The following ARHGEF7 variants were observed in gnomAD, a reference collection of about 807,000 sequenced individuals.
ARHGEF7 encodes the protein PAK-interacting exchange factor beta.
Under a neutral mutation model 109.8 loss-of-function variants are expected in ARHGEF7, and 33 were observed. That is an observed-to-expected ratio of 0.30 (90% CI 0.23 to 0.40). The LOEUF (loss-of-function observed/expected upper bound fraction) is 0.40, where lower values mean the gene tolerates loss of function less well. Ranked by LOEUF, ARHGEF7 falls within the 10% of genes least tolerant of loss-of-function variation. The probability of loss-of-function intolerance (pLI) is 1.00; values close to 1 mark genes in which losing one functional copy is unlikely to be tolerated. For synonymous variants in ARHGEF7, 458 were observed against 424.6 expected (o/e 1.08, Z -0.97); for missense variants, 938 against 1,098.5 (o/e 0.85, Z 2.07).
intron 1 of ARHGEF7, among the ~76,000 whole-genome samples, chr13:111,153,234 A>T (rs76325761): frequency 0.013 from 1,950 of 152,386 alleles, 24 homozygotes; most frequent in African/African-American, 0.04. Flanking sequence ...GGGGTTACTC[A>T]AGCCGCCCGA....
intron 9 of ARHGEF7, among the ~76,000 whole-genome samples, chr13:111,271,639 C>T (rs908324586): frequency 2.6e-5 from 4 of 152,166 alleles, no homozygotes; most frequent in East Asian, 1.9e-4. Flanking sequence ...CTCGTGCGTG[C>T]GTGCTCTCTC....
At chr13:111,125,509 C>T (rs1239005235) in intron 1 of ARHGEF7, among the ~76,000 whole-genome samples, 1 of 152,014 alleles carries the variant, frequency 6.6e-6, no homozygotes, top group East Asian at 1.9e-4. Flanking sequence ...ATTAAATTGC[C>T]TTTGTCTAAA....
chr13:111,266,028 C>T lies in ARHGEF7; in HGVS notation c.951-1520C>T, dbSNP rs1390876397. Among the ~76,000 whole-genome samples the T allele has an allele frequency of 6.6e-6, 1 of 152,206 alleles. No individual in the cohort carries two copies. Among genetic ancestry groups the T allele is most frequent in the African/African-American group, 2.4e-5 (1 of 41,446 alleles). ...AGGCCTGGACCTTAGACCCAGGCTCCAGCCACCTTTGTGTTGGATGCTGAC... is the reference window on the plus strand; with the variant it reads ...AGGCCTGGACCTTAGACCCAGGCTCTAGCCACCTTTGTGTTGGATGCTGAC... On this transcript the variant is annotated intron_variant, in intron 8 of 21. Coordinates refer to ENST00000646102, the MANE Select transcript of ARHGEF7 (RefSeq NM_001354046.2). The surrounding 1 kb of genome is among the most constrained non-coding windows in gnomAD (Gnocchi z 4.8).
intron 2 of ARHGEF7, among the ~76,000 whole-genome samples, chr13:111,159,246 T>C (rs1373674197): frequency 6.6e-6 from 1 of 152,256 alleles, no homozygotes; most frequent in Admixed American, 6.5e-5. Context: ...TAGTATTCTA[T>C]TGTGTATATA....
chr13:111,143,563 A>T (rs1242559968), intron 1 of ARHGEF7: 1 of 152,252 alleles, frequency 6.6e-6, no homozygotes, highest in African/African-American at 2.4e-5. Flanking sequence ...CCATTAGGTC[A>T]CAAGCATGAA....
chr13:111,231,377 C>T (rs2086027676), intron 5 of ARHGEF7, among the ~76,000 whole-genome samples: 1 of 152,134 alleles, frequency 6.6e-6, no homozygotes. Context: ...TTTTGTTTTC[C>T]ATCCTGTGGG....
intron 9 of ARHGEF7, among the ~76,000 whole-genome samples, chr13:111,268,864 T>C (rs956511126): frequency 6.6e-6 from 1 of 152,220 alleles, no homozygotes; most frequent in African/African-American, 2.4e-5. Flanking sequence ...TTTTTTAATT[T>C]TTTTATTTTT....
intron 5 of ARHGEF7, among the ~76,000 whole-genome samples, chr13:111,226,652 C>G (rs1385954709): frequency 6.6e-6 from 1 of 152,150 alleles, no homozygotes; most frequent in Admixed American, 6.5e-5. Flanking sequence ...ACCTAATCAC[C>G]CAAGAGCTTT....
At chr13:111,133,795 AT>A (rs1566606846) in intron 1 of ARHGEF7, among the ~76,000 whole-genome samples, 1,398 of 48,132 alleles carry the variant, frequency 0.029, 128 homozygotes, top group Middle Eastern at 0.07. Flanking sequence ...ATATATATAT[AT>A]ATATATATAT....
Position 111,280,252 on chromosome 13 carries a change from TGGGGGGGGG to T in ARHGEF7, c.1507-19_1507-11del. ...AAAGCACTAATTGTTTTTTTTTTTG[TGGGGGGGGG>T]TCTTTTTTAGGGAAAGCTTCCAACG... On this transcript the variant is annotated splice_polypyrimidine_tract_variant and intron_variant, in intron 13 of 21. Transcript: ENST00000646102. 2 of 1,434,828 alleles carry T rather than the reference TGGGGGGGGG, an allele frequency of 1.4e-6. No homozygotes were observed. The highest frequency in any genetic ancestry group is 1.5e-5 in the African/African-American group (1 of 68,724). 88.9% of individuals were successfully genotyped at this position (1,434,828 alleles called of 1,614,324 possible).
chr13:111,177,602 G>A (rs189273797), intron 2 of ARHGEF7, among the ~76,000 whole-genome samples: 1 of 152,286 alleles, frequency 6.6e-6, no homozygotes, highest in African/African-American at 2.4e-5. Context: ...GTCCCATTAG[G>A]CACTGCTGCC....
intron 1 of ARHGEF7, among the ~76,000 whole-genome samples, chr13:111,138,006 G>A (rs945342682): frequency 2.6e-5 from 4 of 152,130 alleles, no homozygotes; most frequent in African/African-American, 9.7e-5. Flanking sequence ...GAAGAGTCTG[G>A]GTTGCCAGTT....
chr13:111,198,911 A>T (rs1594617481), intron 2 of ARHGEF7, among the ~76,000 whole-genome samples: 1 of 74,332 alleles, frequency 1.3e-5, no homozygotes, highest in South Asian at 4.6e-4. Context: ...GCATTTTTAC[A>T]GAGTGCTGAT....
chr13:111,228,662 A>T lies in ARHGEF7; in HGVS notation c.671-4543A>T, dbSNP rs1029106736. Among the ~76,000 whole-genome samples the T allele has an allele frequency of 6.6e-6, 1 of 152,162 alleles. No homozygotes were observed. The highest frequency in any genetic ancestry group is 2.4e-5 in the African/African-American group (1 of 41,450). On this transcript the variant is annotated intron_variant, in intron 5 of 21. Transcript: ENST00000646102. This position sits in a 1 kb window ranked among gnomAD's most constrained non-coding sequence, Gnocchi z 4.6. ...TCCCTTGAACAACTCGGAGGACGTC[A>T]CCTGACAGGAGGGTGCATGTGGTTC...
chr13:111,289,118 G>A (rs1445532381), intron 18 of ARHGEF7, among the ~76,000 whole-genome samples: 1 of 151,966 alleles, frequency 6.6e-6, no homozygotes, highest in Admixed American at 6.6e-5. Context: ...TGCAACCTCT[G>A]CCTCCTGGGT....
rs535914373 is a variant in ARHGEF7 at position 111,273,219 on chromosome 13, G to C, written c.1074-595G>C. Among the ~76,000 whole-genome samples the C allele has an allele frequency of 6.6e-6, 1 of 152,254 alleles. No individual in the cohort carries two copies. Among genetic ancestry groups the C allele is most frequent in the Non-Finnish European group, 1.5e-5 (1 of 68,008 alleles). On this transcript the variant is annotated intron_variant, in intron 9 of 21. Transcript: ENST00000646102. This position sits in a 1 kb window ranked among gnomAD's most constrained non-coding sequence, Gnocchi z 4.5. The stretch of plus-strand genomic sequence containing the variant: ...GACCCCTTTCTTCCTCACGTATTGT[G>C]AGGATTAAACTTAAAGCTTTTGAAG...
At chr13:111,169,036 C>T (rs879011360) in intron 2 of ARHGEF7, among the ~76,000 whole-genome samples, 2 of 152,150 alleles carry the variant, frequency 1.3e-5, no homozygotes, top group South Asian at 2.1e-4. Context: ...TTCAGTAATT[C>T]GGGAAGTTGG....
At chr13:111,286,601 T>C (rs1405196072) in intron 17 of ARHGEF7, among the ~76,000 whole-genome samples, 2 of 152,176 alleles carry the variant, frequency 1.3e-5, no homozygotes, top group Non-Finnish European at 2.9e-5. Flanking sequence ...AAGCACCCTG[T>C]GTCTGTTAGA....
intron 4 of ARHGEF7, among the ~76,000 whole-genome samples, chr13:111,217,219 A>G (rs1006359914): frequency 6.6e-6 from 1 of 152,272 alleles, no homozygotes; most frequent in Non-Finnish European, 1.5e-5. Flanking sequence ...CTACACAAGG[A>G]AAGTACTGTA....
Sources: allele counts gnomAD v4.1 joint callset (sites outside exome capture counted in the v4.1 genomes callset), GRCh38; gene constraint gnomAD v4.1.1; non-coding constraint Gnocchi (gnomAD v3.1); transcripts MANE v1.5; gene names NCBI Gene and HGNC (gene_info 2026-07-23, HGNC 2026-07-21).